Variants in DST observed in about 807,000 individuals in gnomAD.
The protein encoded by DST is bullous pemphigoid antigen.
Under a neutral mutation model 875.2 loss-of-function variants are expected in DST, and 253 were observed. The observed-to-expected ratio is 0.29, with a 90% confidence interval of 0.26 to 0.32. DST has a LOEUF of 0.32. Ranked by LOEUF, DST falls within the 10% of genes least tolerant of loss-of-function variation. DST has a pLI of 1.00. For missense variants in DST, 8,287 were observed against 9,111.6 expected (o/e 0.91, Z 3.68); for synonymous variants, 3,124 against 3,197.1 (o/e 0.98, Z 0.77).
rs554669477 is a variant in DST at position 56,701,968 on chromosome 6, A to T, written c.877-3T>A. ...CGCATCCGACCTTTTTCTCTGGGCT[A>T]AGAACAGAAAAATGCAGGTATGAAA... On this transcript the variant is annotated splice_region_variant and splice_polypyrimidine_tract_variant and intron_variant, in intron 7 of 103. Coordinates refer to ENST00000680361, the MANE Select transcript of DST (RefSeq NM_001374736.1). The T allele has an allele frequency of 3.1e-6, 5 of 1,597,502 alleles. No individual in the cohort carries two copies. In the Admixed American group the frequency reaches 6.7e-5, roughly 22 times the overall value.
chr6:56,755,325 A>G (rs2099599219), intron 4 of DST, among the ~76,000 whole-genome samples: 1 of 152,186 alleles, frequency 6.6e-6, no homozygotes, highest in Non-Finnish European at 1.5e-5. Context: ...TTGATTATGT[A>G]AAATTTAAGA....
In DST at chr6:56,592,207, A is replaced by G. The variant is rs916846271; in HGVS notation, c.12878T>C (p.Leu4293Pro). 3.1e-6 allele frequency: 5 copies of G among 1,613,456 alleles called. No homozygotes were observed. In the African/African-American group the frequency reaches 5.3e-5, roughly 17 times the overall value. The change falls in exon 49 of 104, where the codon CTT (leucine) becomes CCT (proline). Residue 4293 changes from leucine (L) to proline (P), a missense_variant. This residue lies in a region of DST where 1,513 missense variants were observed against 1,677.8 expected (regional missense o/e 0.90). Coordinates refer to ENST00000680361, the MANE Select transcript of DST (RefSeq NM_001374736.1). ...CTTGGTCTCTTCTAATTGCCTTTGAAGATTTTTGGGGTCCACCGCAATAGG... is the reference window on the plus strand; with the variant it reads ...CTTGGTCTCTTCTAATTGCCTTTGAGGATTTTTGGGGTCCACCGCAATAGG... Reference protein sequence around the residue: ...SEPIAVDPKNLQRQLEETKAL... With the variant: ...SEPIAVDPKNPQRQLEETKAL...
At position 56,608,777 on chromosome 6, in the gene DST, C is replaced by G; in HGVS notation, c.5851G>C (p.Val1951Leu). The G allele has an allele frequency of 1.9e-6, 3 of 1,609,688 alleles. No homozygotes were observed. The South Asian group carries it at 3.3e-5, about 18-fold the overall frequency. The change falls in exon 40 of 104, where the codon GTG becomes CTG. Residue 1951 changes from valine to leucine, a missense_variant. By Grantham distance (32) the Val-to-Leu change is conservative (BLOSUM62 1). Transcript: ENST00000680361. ...QENTGMWLLP[V>L]RPQEGGRITL... ...ATTCTACCTCCTTCTTGTGGTCTCA[C>G]AGGTAGAAGCCACATCCCTGTGTTT...
At chr6:56,788,672 C>T (rs953338590) in intron 4 of DST, among the ~76,000 whole-genome samples, 2 of 152,076 alleles carry the variant, frequency 1.3e-5, no homozygotes, top group Non-Finnish European at 2.9e-5. Context: ...ACTTTTTTCC[C>T]AAGTATTAAC....
chr6:56,487,299 C>A (rs376487096), intron 86 of DST, 26 bp from the exon 87 acceptor site: 2 of 1,514,470 alleles, frequency 1.3e-6, no homozygotes, highest in Non-Finnish European at 1.8e-6. Context: ...GAAAAAAATG[C>A]GAATTTCTTC....
At chr6:56,894,713 C>G (rs1219772090) in intron 3 of DST, among the ~76,000 whole-genome samples, 1 of 72,154 alleles carries the variant, frequency 1.4e-5, no homozygotes, top group South Asian at 4.3e-4. Context: ...GGGGCTGACC[C>G]CCCCCACCTC....
At chr6:56,596,035 A>ATTTATTTATTTG (rs1174453226) in intron 47 of DST, among the ~76,000 whole-genome samples, 228 of 151,298 alleles carry the variant, frequency 1.5e-3, no homozygotes, top group African/African-American at 4.9e-3. Context: ...TTATTTATTT[A>ATTTATTTATTTG]TTTATTTATT....
intron 9 of DST, among the ~76,000 whole-genome samples, chr6:56,675,241 T>C (rs1588314661): frequency 6.6e-6 from 1 of 152,258 alleles, no homozygotes; most frequent in Admixed American, 6.5e-5. Context: ...TCTCACACCA[T>C]ATACAAAAAT....
rs531491469 is a variant in DST at position 56,820,073 on chromosome 6, T to TG, written c.625+31323dup. ...AACCTCAACAGGCAGTATGGCAAGC[T>TG]GGTTAAGAGCATAGGCTCTAGAAAC... On this transcript the variant is annotated intron_variant, in intron 4 of 103. Transcript: ENST00000680361. Among the ~76,000 whole-genome samples, 60 of 152,362 alleles carry TG rather than the reference T, an allele frequency of 3.9e-4. No individual in the cohort carries two copies. The South Asian group carries it at 0.012, about 30-fold the overall frequency.
chr6:56,659,690 G>A (rs116419116), intron 10 of DST, among the ~76,000 whole-genome samples: 3,764 of 152,270 alleles, frequency 0.025, 72 homozygotes, highest in Non-Finnish European at 0.041. Context: ...TGGCCTTGAA[G>A]GAAAGGAATG....
chr6:56,651,094 T>C (rs2098973434), intron 11 of DST, 38 bp downstream of exon 11: 4 of 1,590,252 alleles, frequency 2.5e-6, no homozygotes, highest in Non-Finnish European at 3.4e-6. Flanking sequence ...TGATCAGACT[T>C]TCATGCCAGT....
intron 4 of DST, among the ~76,000 whole-genome samples, chr6:56,783,168 T>A (rs2099697762): frequency 6.6e-6 from 1 of 152,136 alleles, no homozygotes; most frequent in Admixed American, 6.5e-5. Flanking sequence ...TTGGAATAGG[T>A]GTGGTGTGGT....
intron 5 of DST, among the ~76,000 whole-genome samples, chr6:56,725,822 C>T (rs1315817915): frequency 6.6e-6 from 1 of 152,104 alleles, no homozygotes; most frequent in Non-Finnish European, 1.5e-5. Flanking sequence ...AGCTCCCATT[C>T]CATATGTTAA....
In DST at chr6:56,532,432, C is replaced by T; in HGVS notation, c.17020G>A (p.Ala5674Thr). ...ATCTTCACTTTATCTGCGGGCTCTG[C>T]TGTTGTAGCAATTTTTTCTCCTTCT... ...KREGEKIATT[A>T]EPADKVKILK... The change falls in exon 64 of 104, where the codon GCA (alanine) becomes ACA (threonine). Residue 5674 changes from alanine (A) to threonine (T), a missense_variant. By Grantham distance (58) the Ala-to-Thr change is moderately conservative (BLOSUM62 0). Coordinates refer to ENST00000680361, the MANE Select transcript of DST (RefSeq NM_001374736.1). 1 of 1,613,152 alleles carries T rather than the reference C, an allele frequency of 6.2e-7. No individual in the cohort carries two copies. Among genetic ancestry groups the T allele is most frequent in the Non-Finnish European group, 8.5e-7 (1 of 1,179,516 alleles).
At chr6:56,844,080 G>C (rs1472207138) in intron 4 of DST, 1 of 152,434 alleles carries the variant, frequency 6.6e-6, no homozygotes, top group African/African-American at 2.4e-5. Flanking sequence ...AGGGATGATC[G>C]GGGGGAGGGT....
At chr6:56,798,541 G>T (rs1590676473) in intron 4 of DST, among the ~76,000 whole-genome samples, 1 of 152,258 alleles carries the variant, frequency 6.6e-6, no homozygotes, top group Non-Finnish European at 1.5e-5. Flanking sequence ...AATGTACCTA[G>T]TCCAAGAGCT....
chr6:56,834,475 T>C (rs2099791108), intron 4 of DST, among the ~76,000 whole-genome samples: 1 of 152,076 alleles, frequency 6.6e-6, no homozygotes, highest in Non-Finnish European at 1.5e-5. Flanking sequence ...CGGATGCCTG[T>C]AATCCCAGCT....
rs543137367 is a variant in DST, at chr6:56,795,135, A to T, written c.625+56262T>A. On this transcript the variant is annotated intron_variant, in intron 4 of 103. Transcript: ENST00000680361. Reference sequence around the variant, plus strand: ...GAAGGGAGATAAAAAGTTAACAAAAAATTATTAATATCCTTAGAAAGGAGG... The same window carrying T: ...GAAGGGAGATAAAAAGTTAACAAAATATTATTAATATCCTTAGAAAGGAGG... 2.0e-5 allele frequency among the ~76,000 whole-genome samples: 3 copies of T among 152,324 alleles called. No homozygotes were observed. In the East Asian group the frequency reaches 5.8e-4, roughly 29 times the overall value.
chr6:56,466,609 T>A (rs2094585822), intron 98 of DST: 1 of 152,826 alleles, frequency 6.5e-6, no homozygotes, highest in Non-Finnish European at 1.5e-5. Context: ...AAGCTTTGAT[T>A]CTTCTTCATT....
Sources: allele counts gnomAD v4.1 joint callset (sites outside exome capture counted in the v4.1 genomes callset), GRCh38; gene constraint gnomAD v4.1.1; regional missense constraint gnomAD v4.1.1; transcripts MANE v1.5; gene names NCBI Gene and HGNC (gene_info 2026-07-23, HGNC 2026-07-21).